Variants in PM20D2 observed in about 807,000 individuals in gnomAD.
The protein encoded by PM20D2 is xaa-Arg dipeptidase.
PM20D2 carries 33 observed loss-of-function variants against 42.9 expected under a neutral mutation model. The observed-to-expected ratio is 0.77, with a 90% CI of 0.58 to 1.03. The LOEUF (loss-of-function observed/expected upper bound fraction) is 1.03, where lower values mean the gene tolerates loss of function less well. PM20D2 is among the 50% of genes least tolerant of loss of function. PM20D2 has a pLI of 0.00. For missense variants in PM20D2, 548 were observed against 557.0 expected (o/e 0.98, Z 0.16); for synonymous variants, 250 against 228.2 (o/e 1.10, Z -0.86).
the PM20D2 span, among the ~76,000 whole-genome samples, chr6:89,107,547 T>A: frequency 6.6e-6 from 1 of 152,078 alleles, no homozygotes; most frequent in East Asian, 1.9e-4. Context: ...CTGGGCAACA[T>A]GGTGAAACCC....
At chr6:89,116,793 A>G in the PM20D2 span, among the ~76,000 whole-genome samples, 2 of 151,554 alleles carry the variant, frequency 1.3e-5, no homozygotes, top group Non-Finnish European at 2.9e-5. Flanking sequence ...AAAAAAAACT[A>G]AAAAATAAAA....
At chr6:89,118,356 C>CCG in the PM20D2 span, among the ~76,000 whole-genome samples, 1 of 152,218 alleles carries the variant, frequency 6.6e-6, no homozygotes, top group Non-Finnish European at 1.5e-5. Context: ...CCGCTTTCAA[C>CCG]CGCGCCCCCG....
chr6:89,121,530 T>A, the PM20D2 span, among the ~76,000 whole-genome samples: 1 of 152,212 alleles, frequency 6.6e-6, no homozygotes, highest in African/African-American at 2.4e-5. Flanking sequence ...ACACCCTGCC[T>A]GTCCCTGGAC....
chr6:89,118,017 G>T, the PM20D2 span: 2 of 949,486 alleles, frequency 2.1e-6, no homozygotes, highest in Non-Finnish European at 3.0e-6. Context: ...CCTCAGCCCC[G>T]CCAGCGCGCA....
At chr6:89,114,320 C>T in the PM20D2 span, among the ~76,000 whole-genome samples, 2 of 151,988 alleles carry the variant, frequency 1.3e-5, no homozygotes, top group South Asian at 2.1e-4. Flanking sequence ...CCCAGCTACT[C>T]GGGAGGCTGA....
chr6:89,160,884 G>C (rs757839866), intron 5 of PM20D2, among the ~76,000 whole-genome samples: 4 of 152,164 alleles, frequency 2.6e-5, no homozygotes, highest in Non-Finnish European at 2.9e-5. Context: ...GCATGTGCAA[G>C]GGTCCTGTGA....
At chr6:89,158,566 A>G (rs1771130718) in intron 5 of PM20D2, 106 bp downstream of exon 5, 8 of 1,304,468 alleles carry the variant, frequency 6.1e-6, no homozygotes. Context: ...GGTACTACTG[A>G]CGTTTTTAAT....
the PM20D2 span, among the ~76,000 whole-genome samples, chr6:89,128,514 C>G: frequency 0.016 from 2,341 of 145,770 alleles, 59 homozygotes; most frequent in African/African-American, 0.06. Flanking sequence ...TTTGCCTTGT[C>G]ATCTTTGTTG....
intron 3 of PM20D2, among the ~76,000 whole-genome samples, chr6:89,154,306 A>G (rs1386766280): frequency 6.6e-6 from 1 of 152,156 alleles, no homozygotes; most frequent in Non-Finnish European, 1.5e-5. Flanking sequence ...CTTGGCATGA[A>G]AATTATTTTT....
At chr6:89,107,492 G>A in the PM20D2 span, among the ~76,000 whole-genome samples, 8 of 152,258 alleles carry the variant, frequency 5.3e-5, no homozygotes, top group African/African-American at 1.9e-4. Context: ...CACTTTGGGG[G>A]ACCAAGGTAT....
the PM20D2 span, among the ~76,000 whole-genome samples, chr6:89,119,603 A>T: frequency 6.6e-6 from 1 of 152,242 alleles, no homozygotes; most frequent in Non-Finnish European, 1.5e-5. Context: ...TGGTGGCCCG[A>T]AACAACAGAA....
At chr6:89,122,038 A>C in the PM20D2 span, among the ~76,000 whole-genome samples, 1 of 152,216 alleles carries the variant, frequency 6.6e-6, no homozygotes, top group Admixed American at 6.5e-5. Flanking sequence ...CTTTAAAATT[A>C]GTAGTCTATG....
the PM20D2 span, chr6:89,098,005 T>TA: frequency 1.3e-5 from 2 of 152,314 alleles, no homozygotes; most frequent in African/African-American, 4.8e-5. Context: ...AATAAAAATA[T>TA]AACCTTTGAG....
rs1295650283 is a variant in PM20D2 at position 89,149,264 on chromosome 6, G to A, written c.466-1G>A. 2 of 1,613,354 alleles carry A rather than the reference G, an allele frequency of 1.2e-6. No individual in the cohort carries two copies. Among genetic ancestry groups the A allele is most frequent in the South Asian group, 2.2e-5 (2 of 90,926 alleles). ...TCCCTGACATGAGTATTTCCTTCTA[G>A]GTAGTTGTCCTGGGAACCCCTGCAG... On this transcript the variant is annotated splice_acceptor_variant, in intron 1 of 6. Transcript: ENST00000275072. LOFTEE classifies it high-confidence loss of function.
At chr6:89,112,509 A>AT in the PM20D2 span, among the ~76,000 whole-genome samples, 1 of 142,010 alleles carries the variant, frequency 7.0e-6, no homozygotes, top group Non-Finnish European at 1.5e-5. Flanking sequence ...TGCAGTGGTG[A>AT]TATCATAACT....
At chr6:89,118,973 A>G in the PM20D2 span, among the ~76,000 whole-genome samples, 2 of 152,314 alleles carry the variant, frequency 1.3e-5, no homozygotes, top group South Asian at 4.1e-4. Flanking sequence ...ACAGCCTGTT[A>G]TTCAGGGCTG....
chr6:89,114,515 T>G, the PM20D2 span, among the ~76,000 whole-genome samples: 1 of 152,080 alleles, frequency 6.6e-6, no homozygotes, highest in African/African-American at 2.4e-5. Context: ...GTATGGCACC[T>G]AGTACACAGT....
At chr6:89,144,212 CTG>C (rs1430764610), upstream of PM20D2, among the ~76,000 whole-genome samples, 1 of 114,686 alleles carries the variant, frequency 8.7e-6, no homozygotes, top group African/African-American at 3.4e-5. Flanking sequence ...TGAAATGAAT[CTG>C]TCTTTCCTCT....
chr6:89,108,665 A>T, the PM20D2 span, among the ~76,000 whole-genome samples: 1 of 152,236 alleles, frequency 6.6e-6, no homozygotes, highest in Non-Finnish European at 1.5e-5. Context: ...ATTAGAAGAG[A>T]GCTAGATCAA....
Sources: allele counts gnomAD v4.1 joint callset (sites outside exome capture counted in the v4.1 genomes callset), GRCh38; gene constraint gnomAD v4.1.1; transcripts MANE v1.5; gene names NCBI Gene and HGNC (gene_info 2026-07-23, HGNC 2026-07-21).